The following MAD1L1 variants were observed in gnomAD, a reference collection of about 807,000 sequenced individuals.
MAD1L1 encodes the protein mitotic arrest deficient 1 like 1, also known as mitotic spindle assembly checkpoint protein MAD1.
A neutral mutation model predicts 96.9 loss-of-function variants in MAD1L1; 95 were observed. That is an observed-to-expected ratio of 0.98 (90% CI 0.83 to 1.16). MAD1L1 has a LOEUF of 1.16. Ranked by LOEUF, MAD1L1 falls within the 50% of genes most tolerant of loss-of-function variation. The pLI, the probability that MAD1L1 is intolerant of heterozygous loss-of-function variation, is 0.00. For missense variants in MAD1L1, 1,007 were observed against 954.4 expected, an observed-to-expected ratio of 1.06 and a Z score of -0.73; for synonymous variants, 473 against 396.6, an observed-to-expected ratio of 1.19 and a Z score of -2.29.
At chr7:2,109,681 C>T (rs1425813122) in intron 11 of MAD1L1, 1 of 152,178 alleles carries the variant, frequency 6.6e-6, no homozygotes, top group Non-Finnish European at 1.5e-5. Context: ...GTTTTAAACA[C>T]TTCTGTGTTT....
chr7:2,050,013 A>G (rs56401302), intron 12 of MAD1L1, among the ~76,000 whole-genome samples: 1,572 of 35,336 alleles, frequency 0.044, no homozygotes, highest in Middle Eastern at 0.056. Flanking sequence ...GCGTCTGCGG[A>G]CACCAGACCA....
chr7:1,889,250 C>T (rs1294792700), intron 18 of MAD1L1, among the ~76,000 whole-genome samples: 1 of 152,230 alleles, frequency 6.6e-6, no homozygotes, highest in Non-Finnish European at 1.5e-5. Context: ...CCTCCCACCA[C>T]CCGACGGGGG....
intron 10 of MAD1L1, among the ~76,000 whole-genome samples, chr7:2,184,880 T>C (rs1335196328): frequency 6.6e-6 from 1 of 151,984 alleles, no homozygotes; most frequent in African/African-American, 2.4e-5. Flanking sequence ...CGCACGCCTG[T>C]AATCCCAGCT....
chr7:2,111,699 G>A lies in MAD1L1; in HGVS notation c.1073+37453C>T, dbSNP rs193214049. 1.6e-4 allele frequency among the ~76,000 whole-genome samples: 25 copies of A among 152,306 alleles called. 1 individual carries two copies. The East Asian group carries it at 2.5e-3, about 15-fold the overall frequency. Reference sequence around the variant, plus strand: ...GGCCAGCAGCCGCACGCTGGAAAACGCAACACACAGCCCACACAGCCCTGT... The same window carrying A: ...GGCCAGCAGCCGCACGCTGGAAAACACAACACACAGCCCACACAGCCCTGT... On this transcript the variant is annotated intron_variant, in intron 11 of 18. Coordinates refer to ENST00000265854, the MANE Select transcript of MAD1L1 (RefSeq NM_001013836.2).
Position 1,842,420 on chromosome 7 carries a change from G to A in MAD1L1, c.1999-26192C>T, listed in dbSNP as rs562775588. Among the ~76,000 whole-genome samples the A allele has an allele frequency of 1.2e-3, 182 of 152,330 alleles. 2 individuals are homozygous for A. The highest frequency in any genetic ancestry group is 4.0e-3 in the African/African-American group (168 of 41,564). On this transcript the variant is annotated intron_variant, in intron 18 of 18. Transcript: ENST00000265854. ...GCCTCAGCCGTCACAGCCGGGCTTGGCCCTGCACTTAGGATCCAAAGGGCA... is the reference window on the plus strand; with the variant it reads ...GCCTCAGCCGTCACAGCCGGGCTTGACCCTGCACTTAGGATCCAAAGGGCA...
At chr7:1,832,432 T>C (rs903084788) in intron 18 of MAD1L1, among the ~76,000 whole-genome samples, 8 of 150,274 alleles carry the variant, frequency 5.3e-5, no homozygotes, top group African/African-American at 2.0e-4. Context: ...GCTGTGAACA[T>C]TGTTGAAAAA....
At chr7:1,987,488 G>A (rs760252638) in intron 14 of MAD1L1, among the ~76,000 whole-genome samples, 4 of 152,194 alleles carry the variant, frequency 2.6e-5, no homozygotes, top group Non-Finnish European at 5.9e-5. Flanking sequence ...GAGCACACAA[G>A]CCCCGGAGTC....
chr7:2,149,864 C>T (rs1789485147), intron 10 of MAD1L1, among the ~76,000 whole-genome samples: 1 of 152,210 alleles, frequency 6.6e-6, no homozygotes, highest in South Asian at 2.1e-4. Flanking sequence ...GCTGGGACTC[C>T]GGAGGACACA....
intron 11 of MAD1L1, among the ~76,000 whole-genome samples, chr7:2,083,573 C>A (rs1043817224): frequency 6.6e-6 from 1 of 152,194 alleles, no homozygotes; most frequent in Non-Finnish European, 1.5e-5. Context: ...TGGAGGCCAG[C>A]GCAGGGCGGG....
chr7:2,122,210 G>C (rs935242519), intron 11 of MAD1L1, among the ~76,000 whole-genome samples: 1 of 152,218 alleles, frequency 6.6e-6, no homozygotes, highest in African/African-American at 2.4e-5. Context: ...GAGGAAACCC[G>C]CGGGGGCTGG....
At chr7:2,041,318 G>A (rs1030374920) in intron 12 of MAD1L1, among the ~76,000 whole-genome samples, 1 of 152,202 alleles carries the variant, frequency 6.6e-6, no homozygotes, top group Non-Finnish European at 1.5e-5. Context: ...AGGACCGAGA[G>A]CCAACCCTTT....
intron 17 of MAD1L1, among the ~76,000 whole-genome samples, chr7:1,926,398 T>C (rs1273621738): frequency 6.6e-6 from 1 of 152,218 alleles, no homozygotes; most frequent in Non-Finnish European, 1.5e-5. Context: ...ATTCATTACG[T>C]GTATACTACA....
chr7:2,116,390 G>A (rs548842296), intron 11 of MAD1L1, among the ~76,000 whole-genome samples: 6 of 152,302 alleles, frequency 3.9e-5, no homozygotes, highest in African/African-American at 1.4e-4. Flanking sequence ...GAACGGGAGC[G>A]ACAAGGAGCC....
At chr7:1,899,111 T>C (rs1376849902) in intron 17 of MAD1L1, among the ~76,000 whole-genome samples, 3 of 152,160 alleles carry the variant, frequency 2.0e-5, no homozygotes, top group Non-Finnish European at 4.4e-5. Flanking sequence ...TGGCTCTAAG[T>C]GACTATTCAG....
intron 15 of MAD1L1, among the ~76,000 whole-genome samples, chr7:1,971,914 G>C (rs1299331552): frequency 6.6e-6 from 1 of 152,206 alleles, no homozygotes; most frequent in African/African-American, 2.4e-5. Flanking sequence ...GGGCTGGCTG[G>C]AGACCTTTAA....
At chr7:1,843,499 T>C (rs547327854) in intron 18 of MAD1L1, among the ~76,000 whole-genome samples, 2 of 152,172 alleles carry the variant, frequency 1.3e-5, no homozygotes, top group African/African-American at 4.8e-5. Context: ...TTTCCGCGCT[T>C]CCCCGTGTCT....
chr7:1,963,580 C>T (rs1439985981), intron 15 of MAD1L1, among the ~76,000 whole-genome samples: 1 of 152,252 alleles, frequency 6.6e-6, no homozygotes, highest in Non-Finnish European at 1.5e-5. Context: ...ACCAGTTATA[C>T]CTCAGGAAAG....
chr7:2,231,100 A>G (rs187181562), intron 1 of MAD1L1, among the ~76,000 whole-genome samples: 1 of 152,204 alleles, frequency 6.6e-6, no homozygotes, highest in African/African-American at 2.4e-5. Context: ...GGAGTTCAAG[A>G]CCAGAATGGC....
chr7:2,051,387 G>A (rs1445232081), intron 12 of MAD1L1, among the ~76,000 whole-genome samples: 1 of 152,192 alleles, frequency 6.6e-6, no homozygotes, highest in Non-Finnish European at 1.5e-5. Flanking sequence ...TAACCCACGT[G>A]GTGCTGTGGA....
Sources: allele counts gnomAD v4.1 joint callset (sites outside exome capture counted in the v4.1 genomes callset), GRCh38; gene constraint gnomAD v4.1.1; transcripts MANE v1.5; gene names NCBI Gene and HGNC (gene_info 2026-07-23, HGNC 2026-07-21).